The following MELK variants were observed in gnomAD, a reference collection of about 807,000 sequenced individuals.
MELK encodes maternal embryonic leucine zipper kinase, also known as pEg3 kinase.
In MELK, 81 loss-of-function variants were observed where a neutral mutation model predicts 85.0. The observed-to-expected ratio is 0.95, with a 90% CI of 0.80 to 1.15. The LOEUF is 1.15. Ranked by LOEUF, MELK falls within the 50% of genes most tolerant of loss-of-function variation. The pLI, the probability that MELK is intolerant of heterozygous loss-of-function variation, is 0.00. For missense variants in MELK, 754 were observed against 777.5 expected (o/e 0.97, Z 0.36); for synonymous variants, 252 against 265.0 (o/e 0.95, Z 0.48).
Position 36,606,415 on chromosome 9 carries a change from T to TA in MELK, c.568-1159dup, listed in dbSNP as rs1209305063. On this transcript the variant is annotated intron_variant, in intron 7 of 17. Transcript: ENST00000298048. ...ATATACATATGTATAGGTGTGTGTATATATATACATATGTATAGGTGTGTA... is the reference window on the plus strand; with the variant it reads ...ATATACATATGTATAGGTGTGTGTATAATATATACATATGTATAGGTGTGTA... 8.0e-5 allele frequency among the ~76,000 whole-genome samples: 10 copies of TA among 125,290 alleles called. 1 individual carries two copies. Among genetic ancestry groups the TA allele is most frequent in the African/African-American group, 3.4e-4 (9 of 26,424 alleles). 82.2% of individuals were successfully genotyped at this position (125,290 alleles called of 152,430 possible).
chr9:36,617,019 A>T (rs1826900914), intron 8 of MELK, among the ~76,000 whole-genome samples: 1 of 152,190 alleles, frequency 6.6e-6, no homozygotes, highest in Non-Finnish European at 1.5e-5. Flanking sequence ...TCCTAGGTTA[A>T]TGGACATTTA....
At chr9:36,591,307 T>C (rs1463520032) in intron 4 of MELK, among the ~76,000 whole-genome samples, 1 of 152,264 alleles carries the variant, frequency 6.6e-6, no homozygotes, top group East Asian at 1.9e-4. Flanking sequence ...GCGCAGGGGG[T>C]CACGCTTGTA....
intron 11 of MELK, among the ~76,000 whole-genome samples, chr9:36,644,456 GA>G (rs1399100733): frequency 6.6e-6 from 1 of 152,094 alleles, no homozygotes; most frequent in Non-Finnish European, 1.5e-5. Context: ...TTTCAGTAAG[GA>G]GAAAATATAA....
intron 9 of MELK, among the ~76,000 whole-genome samples, chr9:36,631,753 C>A (rs1254670241): frequency 1.3e-5 from 2 of 151,640 alleles, no homozygotes; most frequent in Non-Finnish European, 2.9e-5. Flanking sequence ...TTTTTGTGTT[C>A]TTTCTTTAGT....
At chr9:36,666,638 A>G (rs10814427) in intron 14 of MELK, among the ~76,000 whole-genome samples, 16,356 of 152,146 alleles carry the variant, frequency 0.11, 982 homozygotes, top group Middle Eastern at 0.15. Context: ...ACTGCTGGGA[A>G]ACCACATCCT....
chr9:36,675,484 C>G (rs1833266996), intron 17 of MELK, among the ~76,000 whole-genome samples: 1 of 152,166 alleles, frequency 6.6e-6, no homozygotes, highest in Non-Finnish European at 1.5e-5. Context: ...CAAAATTCTT[C>G]TGGCTTTCTT....
chr9:36,595,825 T>G (rs999849537), intron 5 of MELK, among the ~76,000 whole-genome samples: 1 of 152,096 alleles, frequency 6.6e-6, no homozygotes, highest in Non-Finnish European at 1.5e-5. Context: ...TATTTTTATT[T>G]TTATTTTTGA....
intron 6 of MELK, 84 bp downstream of exon 6, chr9:36,597,374 T>C: frequency 7.9e-7 from 1 of 1,258,192 alleles, no homozygotes; most frequent in Non-Finnish European, 1.1e-6. Context: ...CTTCCACTTA[T>C]TCTTTATTGA....
Position 36,581,531 on chromosome 9 carries a change from G to A in MELK, c.-38-113G>A. The stretch of plus-strand genomic sequence containing the variant: ...CTTTTTTTCATATGGCCAATAATCA[G>A]TTTTTTCAGTATCATGTAAATGCAT... On this transcript the variant is annotated intron_variant, in intron 1 of 17. Coordinates refer to ENST00000298048, the MANE Select transcript of MELK (RefSeq NM_014791.4). 6 of 576,714 alleles carry A rather than the reference G, an allele frequency of 1.0e-5. No homozygotes were observed. The South Asian group carries it at 1.4e-4, about 13-fold the overall frequency. 35.7% of individuals were successfully genotyped at this position (576,714 alleles called of 1,614,324 possible).
intron 8 of MELK, among the ~76,000 whole-genome samples, chr9:36,614,712 T>C (rs1443278738): frequency 3.5e-5 from 4 of 115,030 alleles, no homozygotes; most frequent in Non-Finnish European, 5.2e-5. Context: ...CATTTAACCC[T>C]GAGTGGACAC....
intron 1 of MELK, among the ~76,000 whole-genome samples, chr9:36,581,085 G>T (rs1822191367): frequency 6.6e-6 from 1 of 152,110 alleles, no homozygotes; most frequent in Non-Finnish European, 1.5e-5. Flanking sequence ...TTATTGTTTT[G>T]TCAGAGTTTA....
At chr9:36,609,625 T>A (rs1387447699) in intron 8 of MELK, among the ~76,000 whole-genome samples, 3 of 151,698 alleles carry the variant, frequency 2.0e-5, no homozygotes, top group Non-Finnish European at 2.9e-5. Flanking sequence ...ATTAAAAAAA[T>A]TTTTTTGTAG....
At chr9:36,636,889 C>A (rs925080837) in intron 10 of MELK, among the ~76,000 whole-genome samples, 1 of 151,854 alleles carries the variant, frequency 6.6e-6, no homozygotes, top group African/African-American at 2.4e-5. Context: ...CAGGCTGGAG[C>A]AGTGGCACGA....
rs1185227622 is a variant in MELK, at chr9:36,618,301, T to G, written c.666+10628T>G. Among the ~76,000 whole-genome samples the G allele has an allele frequency of 2.6e-5, 4 of 151,528 alleles. No homozygotes were observed. The East Asian group carries it at 7.8e-4, about 29-fold the overall frequency. On this transcript the variant is annotated intron_variant, in intron 8 of 17. Transcript: ENST00000298048. Reference sequence around the variant, plus strand: ...GTGCATGCCTGTAATCCCAGCTACTTTGGAGGCTGAGGCATGAGAATCATT... The same window carrying G: ...GTGCATGCCTGTAATCCCAGCTACTGTGGAGGCTGAGGCATGAGAATCATT...
At chr9:36,650,104 C>T (rs1430743078) in intron 11 of MELK, among the ~76,000 whole-genome samples, 17 of 151,766 alleles carry the variant, frequency 1.1e-4, no homozygotes, top group African/African-American at 3.1e-4. Context: ...CTACCACGCC[C>T]GGCTAATTTT....
intron 13 of MELK, among the ~76,000 whole-genome samples, chr9:36,660,443 G>A (rs949178005): frequency 7.3e-5 from 11 of 151,692 alleles, no homozygotes; most frequent in African/African-American, 2.4e-4. Context: ...TCAGCCTCCC[G>A]AGTATCGGGG....
At chr9:36,649,139 TA>T (rs1384264081) in intron 11 of MELK, among the ~76,000 whole-genome samples, 1 of 152,034 alleles carries the variant, frequency 6.6e-6, no homozygotes, top group South Asian at 2.1e-4. Context: ...CCACAGAAAT[TA>T]AAAGCTCAGT....
intron 11 of MELK, among the ~76,000 whole-genome samples, chr9:36,649,258 G>A (rs968722934): frequency 6.6e-5 from 10 of 152,112 alleles, no homozygotes; most frequent in Admixed American, 4.6e-4. Context: ...AGGCCAGCGC[G>A]GGCAGATCAT....
rs527913038 is a variant in MELK, at chr9:36,593,850, C to G, written c.262-778C>G. 2.2e-4 allele frequency among the ~76,000 whole-genome samples: 33 copies of G among 152,252 alleles called. No individual in the cohort carries two copies. In the East Asian group the frequency reaches 6.4e-3, roughly 29 times the overall value. ...GGGATTACAGGCGCCCGCCACCACG[C>G]CTGGCTAATTTTTTGTATTTTTAGT... On this transcript the variant is annotated intron_variant, in intron 4 of 17. Transcript: ENST00000298048.
Sources: allele counts gnomAD v4.1 joint callset (sites outside exome capture counted in the v4.1 genomes callset), GRCh38; gene constraint gnomAD v4.1.1; transcripts MANE v1.5; gene names NCBI Gene and HGNC (gene_info 2026-07-23, HGNC 2026-07-21).